DYDC2: variants seen among roughly 807,000 people sequenced by gnomAD.
The protein encoded by DYDC2 is DPY30 domain-containing protein 2.
DYDC2 carries 19 observed loss-of-function variants against 18.7 expected under a neutral mutation model. That is an observed-to-expected ratio of 1.02 (90% CI 0.71 to 1.49). DYDC2 has a LOEUF of 1.49. Ranked by LOEUF, DYDC2 falls within the 40% of genes most tolerant of loss-of-function variation. The probability of loss-of-function intolerance (pLI) is 0.00; values close to 1 mark genes in which losing one functional copy is unlikely to be tolerated. For missense variants in DYDC2, 179 were observed against 205.1 expected, an observed-to-expected ratio of 0.87 and a Z score of 0.78; for synonymous variants, 63 against 67.6, an observed-to-expected ratio of 0.93 and a Z score of 0.34.
At chr10:80,354,823 C>T (rs901234113), upstream of DYDC2, among the ~76,000 whole-genome samples, 1 of 152,158 alleles carries the variant, frequency 6.6e-6, no homozygotes, top group African/African-American at 2.4e-5. Context: ...TTTTAGACTT[C>T]CCAGCCTCCA....
At chr10:80,361,954 C>T (rs553391919) in intron 2 of DYDC2, among the ~76,000 whole-genome samples, 1 of 152,316 alleles carries the variant, frequency 6.6e-6, no homozygotes, top group South Asian at 2.1e-4. Context: ...ATATGCTTAG[C>T]GTGCTCATTG....
At chr10:80,363,277 G>T (rs951631468) in intron 4 of DYDC2, among the ~76,000 whole-genome samples, 2 of 148,740 alleles carry the variant, frequency 1.3e-5, no homozygotes, top group East Asian at 3.9e-4. Flanking sequence ...GATGTTAAAA[G>T]ACAAATTTGT....
At chr10:80,359,109 C>T (rs576740438) in intron 2 of DYDC2, among the ~76,000 whole-genome samples, 1 of 152,306 alleles carries the variant, frequency 6.6e-6, no homozygotes, top group African/African-American at 2.4e-5. Context: ...TCCGGCCCTA[C>T]CCACATCCTG....
intron 4 of DYDC2, 95 bp downstream of exon 4, chr10:80,363,168 T>C: frequency 3.0e-6 from 4 of 1,338,192 alleles, no homozygotes; most frequent in Non-Finnish European, 4.0e-6. Context: ...CCAAGGCACA[T>C]TAAGGGTCCC....
At chr10:80,360,082 C>T (rs1437366596) in intron 2 of DYDC2, among the ~76,000 whole-genome samples, 1 of 152,236 alleles carries the variant, frequency 6.6e-6, no homozygotes, top group Non-Finnish European at 1.5e-5. Context: ...GTCAGACTAG[C>T]TTTGAGTAAG....
At chr10:80,359,043 G>C (rs115666462) in intron 2 of DYDC2, among the ~76,000 whole-genome samples, 1 of 152,204 alleles carries the variant, frequency 6.6e-6, no homozygotes, top group African/African-American at 2.4e-5. Context: ...CAGTGTGGAA[G>C]GGAACCCAGA....
upstream of DYDC2, among the ~76,000 whole-genome samples, chr10:80,355,116 T>C (rs1442023439): frequency 6.7e-6 from 1 of 150,054 alleles, no homozygotes; most frequent in Non-Finnish European, 1.5e-5. Context: ...AACAGTAAAA[T>C]TAACACGACA....
upstream of DYDC2, chr10:80,352,044 G>C (rs752121044): frequency 1.3e-6 from 2 of 1,591,426 alleles, no homozygotes; most frequent in South Asian, 1.1e-5. Context: ...TTCTTAGCGA[G>C]AAAGCAATTT....
exon 1 of DYDC2, chr10:80,344,774 C>T: frequency 3.2e-6 from 1 of 315,806 alleles, no homozygotes; most frequent in South Asian, 2.9e-5. Context: ...GTGCCTTTCG[C>T]CTCCCACCAT....
Position 80,368,051 on chromosome 10 carries a change from TATAA to T in DYDC2, c.*1104_*1107del, listed in dbSNP as rs1483893286. The T allele has an allele frequency of 6.6e-6, 1 of 152,272 alleles. No individual in the cohort carries two copies. The highest frequency in any genetic ancestry group is 1.5e-5 in the Non-Finnish European group (1 of 68,058). The allele number at this position is 152,272 out of a possible 1,614,324, so 9.4% of individuals were successfully genotyped here. On this transcript the variant is annotated 3_prime_UTR_variant, in exon 5 of 5. Transcript: ENST00000256039. ...TTTAGATTACTCTGTAAGTATGTTG[TATAA>T]ATAGACTCATACAATGTTTGTCTTT...
rs183700578 is a variant in DYDC2 at position 80,367,831 on chromosome 10, G to A, written c.*880G>A. 2 of 152,178 alleles carry A rather than the reference G, an allele frequency of 1.3e-5. No homozygotes were observed. The highest frequency in any genetic ancestry group is 3.9e-4 in the East Asian group (2 of 5,184). 9.4% of individuals were successfully genotyped at this position (152,178 alleles called of 1,614,324 possible). Reference sequence around the variant, plus strand: ...GTAACTGGTAAAATACATGTAAGATGTACCATCTTAACCATTTTTAAGTGT... The same window carrying A: ...GTAACTGGTAAAATACATGTAAGATATACCATCTTAACCATTTTTAAGTGT... On this transcript the variant is annotated 3_prime_UTR_variant, in exon 5 of 5. Coordinates refer to ENST00000256039, the MANE Select transcript of DYDC2 (RefSeq NM_032372.6).
At chr10:80,357,742 C>T (rs1843477035) in intron 1 of DYDC2, among the ~76,000 whole-genome samples, 151 bp from the exon 2 acceptor site, 1 of 152,142 alleles carries the variant, frequency 6.6e-6, no homozygotes, top group Non-Finnish European at 1.5e-5. Flanking sequence ...TGCTCTCTTT[C>T]AGCTTATGGG....
chr10:80,352,526 G>T, upstream of DYDC2: 1 of 1,613,318 alleles, frequency 6.2e-7, no homozygotes, highest in Non-Finnish European at 8.5e-7. Context: ...GGATCCACTG[G>T]GCGAACTCTT....
In DYDC2 at chr10:80,367,913, G is replaced by A. The variant is rs1412202974; in HGVS notation, c.*962G>A. The A allele has an allele frequency of 2.0e-5, 3 of 150,892 alleles. No individual in the cohort carries two copies. The highest frequency in any genetic ancestry group is 7.3e-5 in the African/African-American group (3 of 40,818). 9.3% of individuals were successfully genotyped at this position (150,892 alleles called of 1,614,324 possible). A position where few individuals can be genotyped will look rare whatever the true frequency, so the allele number is the denominator to read the frequency against. ...CTTGTGCAACCATCATCACCATCCG[G>A]CTGCAAAACTCTTTCATCTTGCAAA... On this transcript the variant is annotated 3_prime_UTR_variant, in exon 5 of 5. Coordinates refer to ENST00000256039, the MANE Select transcript of DYDC2 (RefSeq NM_032372.6).
At chr10:80,358,244 G>T (rs1046543976) in intron 2 of DYDC2, among the ~76,000 whole-genome samples, 199 bp downstream of exon 2, 1 of 152,166 alleles carries the variant, frequency 6.6e-6, no homozygotes, top group Non-Finnish European at 1.5e-5. Context: ...CAGGTGTGGT[G>T]GCGCACACCT....
At chr10:80,366,602 A>C in intron 4 of DYDC2, 86 bp from the exon 5 acceptor site, 2 of 1,471,242 alleles carry the variant, frequency 1.4e-6, no homozygotes, top group Middle Eastern at 1.9e-4. Context: ...CTCTGGCATG[A>C]AAATAGCAAT....
upstream of DYDC2, chr10:80,352,763 G>A: frequency 1.0e-6 from 1 of 1,003,516 alleles, no homozygotes; most frequent in Non-Finnish European, 1.3e-6. Context: ...CTGGCCCCAG[G>A]AAACTTCTAA....
At chr10:80,352,890 C>A (rs1319603591), upstream of DYDC2, among the ~76,000 whole-genome samples, 1 of 152,168 alleles carries the variant, frequency 6.6e-6, no homozygotes, top group Admixed American at 6.5e-5. Flanking sequence ...TCCAAGTTTA[C>A]TTGATGCCAA....
intron 1 of DYDC2, among the ~76,000 whole-genome samples, chr10:80,347,433 T>C (rs766445003): frequency 5.3e-5 from 8 of 152,152 alleles, no homozygotes; most frequent in Non-Finnish European, 1.0e-4. Flanking sequence ...TTGTTTGCTG[T>C]GCAAGAGCAT....
Sources: gnomAD v4.1 joint callset for allele counts (sites outside exome capture counted in the v4.1 genomes callset) on GRCh38, gnomAD v4.1.1 for gene constraint, MANE v1.5 for transcripts, NCBI Gene and HGNC (gene_info 2026-07-23, HGNC 2026-07-21) for gene names.